The following LIMK1 variants were observed in gnomAD, a reference collection of about 807,000 sequenced individuals.
The protein encoded by LIMK1 is LIM domain kinase 1.
In LIMK1, 21 loss-of-function variants were observed where a neutral mutation model predicts 77.6. That is an observed-to-expected ratio of 0.27 (90% CI 0.19 to 0.39). The LOEUF (loss-of-function observed/expected upper bound fraction) is 0.39. Among genes scored for constraint, LIMK1 ranks in the 10% least tolerant of loss-of-function variants. LIMK1 has a pLI of 1.00. For synonymous variants in LIMK1, 358 were observed against 370.0 expected (o/e 0.97, Z 0.37); for missense variants, 696 against 901.6 (o/e 0.77, Z 2.92).
chr7:74,087,658 C>T (rs1027509175), intron 2 of LIMK1, among the ~76,000 whole-genome samples: 2 of 151,014 alleles, frequency 1.3e-5, no homozygotes, highest in African/African-American at 2.4e-5. Context: ...GGCGCGATCC[C>T]TCCTCACTGC....
intron 5 of LIMK1, among the ~76,000 whole-genome samples, chr7:74,102,604 C>T (rs1799489376): frequency 6.6e-6 from 1 of 150,470 alleles, no homozygotes; most frequent in South Asian, 2.1e-4. Flanking sequence ...CCACCTCTGC[C>T]TCCCAAGTAG....
At chr7:74,099,353 G>A (rs1554696211) in intron 5 of LIMK1, 115 bp downstream of exon 5, 2 of 1,026,750 alleles carry the variant, frequency 1.9e-6, no homozygotes, top group African/African-American at 1.6e-5. Flanking sequence ...GGGTACAGAT[G>A]GGGCCCAGTT....
chr7:74,100,712 C>T (rs561368297), intron 5 of LIMK1, among the ~76,000 whole-genome samples: 46 of 151,130 alleles, frequency 3.0e-4, no homozygotes, highest in Non-Finnish European at 3.8e-4. Flanking sequence ...CCACCGTGCC[C>T]GGCCCAAGTG....
At chr7:74,084,441 C>A (rs1406248996) in intron 1 of LIMK1, among the ~76,000 whole-genome samples, 1 of 152,170 alleles carries the variant, frequency 6.6e-6, no homozygotes, top group South Asian at 2.1e-4. Flanking sequence ...TCCCAGTGGC[C>A]GCCGGGCGCC....
chr7:74,094,725 C>A (rs183211754), intron 2 of LIMK1, among the ~76,000 whole-genome samples: 1 of 152,102 alleles, frequency 6.6e-6, no homozygotes, highest in Non-Finnish European at 1.5e-5. Flanking sequence ...CACCAACTTC[C>A]GTCCTCCGCC....
chr7:74,120,258 C>G (rs1799903102), intron 13 of LIMK1, among the ~76,000 whole-genome samples: 1 of 152,228 alleles, frequency 6.6e-6, no homozygotes, highest in Non-Finnish European at 1.5e-5. Context: ...CAGTAACATT[C>G]ACAGATTCCA....
At chr7:74,102,330 A>C (rs565628373) in intron 5 of LIMK1, among the ~76,000 whole-genome samples, 1 of 152,024 alleles carries the variant, frequency 6.6e-6, no homozygotes, top group African/African-American at 2.4e-5. Flanking sequence ...CTATATATAC[A>C]TATATGGATA....
At chr7:74,093,424 C>T in intron 2 of LIMK1, 1 of 1,190,112 alleles carries the variant, frequency 8.4e-7, no homozygotes, top group Non-Finnish European at 1.2e-6. Context: ...TCCTTGGTTA[C>T]TGTCGGCTGC....
At chr7:74,094,664 C>A (rs1227595721) in intron 2 of LIMK1, among the ~76,000 whole-genome samples, 1 of 152,168 alleles carries the variant, frequency 6.6e-6, no homozygotes, top group African/African-American at 2.4e-5. Flanking sequence ...CTTTCCCTTT[C>A]GAATTAGGTT....
At position 74,121,347 on chromosome 7, in the gene LIMK1, C is replaced by G. The variant is rs556252919; in HGVS notation, c.*46C>G. 70 of 1,486,784 alleles carry G rather than the reference C, an allele frequency of 4.7e-5. No homozygotes were observed. The highest frequency in any genetic ancestry group is 6.1e-5 in the Non-Finnish European group (68 of 1,112,238). The allele number at this position is 1,486,784 out of a possible 1,614,324, so 92.1% of individuals were successfully genotyped here. On this transcript the variant is annotated 3_prime_UTR_variant, in exon 16 of 16. Coordinates refer to ENST00000336180, the MANE Select transcript of LIMK1 (RefSeq NM_002314.4). The stretch of plus-strand genomic sequence containing the variant: ...CCTGTCCCCACCTCTGGAGAATCCA[C>G]CCCCACCAGATTCCTCCGCGGGAGG...
chr7:74,103,056 C>T (rs187333971), intron 5 of LIMK1, among the ~76,000 whole-genome samples: 10 of 151,736 alleles, frequency 6.6e-5, no homozygotes, highest in African/African-American at 1.2e-4. Flanking sequence ...TTATTAGAGA[C>T]GGGGTTTTAC....
In LIMK1 at chr7:74,119,319, C is replaced by T. The variant is rs1323250563; in HGVS notation, c.1568-1264C>T. Among the ~76,000 whole-genome samples the T allele has an allele frequency of 2.6e-5, 4 of 151,944 alleles. No homozygotes were observed. The South Asian group carries it at 8.3e-4, about 32-fold the overall frequency. ...TCAGTTTCCCTAGTAGCTGGGATTA[C>T]AGGCACCTGCCACCATGCCTGGCTA... is the stretch of plus-strand genomic sequence containing the variant. On this transcript the variant is annotated intron_variant, in intron 13 of 15. Transcript: ENST00000336180.
In LIMK1 at chr7:74,121,549, T is replaced by C. The variant is rs1166052133; in HGVS notation, c.*248T>C. The C allele has an allele frequency of 4.1e-6, 2 of 486,686 alleles. No individual in the cohort carries two copies. Among genetic ancestry groups the C allele is most frequent in the African/African-American group, 3.9e-5 (2 of 50,980 alleles). 30.1% of individuals were successfully genotyped at this position (486,686 alleles called of 1,614,324 possible). ...GCTGTAACCTCTGTCTTGGCAGGGC[T>C]GTCCCCTCTTGCTTCTCCTTGCATG... On this transcript the variant is annotated 3_prime_UTR_variant, in exon 16 of 16. Transcript: ENST00000336180.
intron 13 of LIMK1, among the ~76,000 whole-genome samples, chr7:74,119,847 G>A (rs1238278155): frequency 1.3e-5 from 2 of 152,102 alleles, no homozygotes; most frequent in Non-Finnish European, 2.9e-5. Context: ...GGCAGAGGTT[G>A]CAGTGAGCCA....
intron 13 of LIMK1, 25 bp downstream of exon 13, chr7:74,115,983 A>G (rs1799800809): frequency 1.2e-6 from 2 of 1,602,858 alleles, no homozygotes. Context: ...CCTGCCCATC[A>G]TGGCCCTCAC....
At chr7:74,100,202 A>G (rs1409460237) in intron 5 of LIMK1, among the ~76,000 whole-genome samples, 2 of 151,988 alleles carry the variant, frequency 1.3e-5, no homozygotes, top group Non-Finnish European at 2.9e-5. Flanking sequence ...GCACGACTGC[A>G]CTCTAGGCTG....
intron 4 of LIMK1, among the ~76,000 whole-genome samples, chr7:74,098,405 G>A (rs1451163754): frequency 5.3e-5 from 8 of 152,194 alleles, no homozygotes; most frequent in Non-Finnish European, 7.3e-5. Flanking sequence ...GGCTTTTAAT[G>A]ACTTCCTCCT....
At chr7:74,114,432 T>C (rs2115741880) in intron 12 of LIMK1, among the ~76,000 whole-genome samples, 1 of 151,564 alleles carries the variant, frequency 6.6e-6, no homozygotes, top group Admixed American at 6.6e-5. Flanking sequence ...GTATCTATAG[T>C]ACCAGCTACT....
intron 5 of LIMK1, among the ~76,000 whole-genome samples, chr7:74,101,034 G>C (rs1584116520): frequency 6.8e-6 from 1 of 146,962 alleles, no homozygotes; most frequent in East Asian, 1.9e-4. Flanking sequence ...ACCACGCCCG[G>C]CCCTACCAAG....
Sources: gnomAD v4.1 joint callset for allele counts (sites outside exome capture counted in the v4.1 genomes callset) on GRCh38, gnomAD v4.1.1 for gene constraint, MANE v1.5 for transcripts, NCBI Gene and HGNC (gene_info 2026-07-23, HGNC 2026-07-21) for gene names.